LINGO2: variants seen among roughly 807,000 people sequenced by gnomAD.
LINGO2 encodes leucine rich repeat and Ig domain containing 2, also known as leucine-rich repeat and immunoglobulin-like domain-containing nogo receptor-interacting protein 2.
LINGO2 carries 14 observed loss-of-function variants against 30.6 expected under a neutral mutation model. The ratio of observed to expected loss-of-function variants is 0.46; its 90% CI spans 0.30 to 0.72. The LOEUF (loss-of-function observed/expected upper bound fraction) is 0.72. Ranked by LOEUF, LINGO2 falls within the 30% of genes least tolerant of loss-of-function variation. LINGO2 has a pLI of 0.07. For missense variants in LINGO2, 729 were observed against 751.7 expected, an observed-to-expected ratio of 0.97 and a Z score of 0.35; for synonymous variants, 317 against 288.5, an observed-to-expected ratio of 1.10 and a Z score of -1.00.
chr9:28,902,504 T>A, the LINGO2 span, among the ~76,000 whole-genome samples: 1 of 152,136 alleles, frequency 6.6e-6, no homozygotes, highest in African/African-American at 2.4e-5. Flanking sequence ...TAAGGAAACA[T>A]CAGGCTTAAT....
chr9:28,096,204 CA>C (rs1826237972), intron 4 of LINGO2, among the ~76,000 whole-genome samples: 1 of 152,066 alleles, frequency 6.6e-6, no homozygotes, highest in Non-Finnish European at 1.5e-5. Context: ...ATCTACCTCA[CA>C]GAACAGTAAT....
chr9:29,128,316 T>C, the LINGO2 span, among the ~76,000 whole-genome samples: 1 of 152,098 alleles, frequency 6.6e-6, no homozygotes, highest in Non-Finnish European at 1.5e-5. Flanking sequence ...TCCTTAGAAT[T>C]TTCTCTTTCT....
the LINGO2 span, among the ~76,000 whole-genome samples, chr9:28,894,509 C>T: frequency 6.6e-6 from 1 of 151,764 alleles, no homozygotes. Context: ...AGTAAATTTA[C>T]CACCCTGATA....
At chr9:28,400,443 C>A (rs570042110) in intron 2 of LINGO2, among the ~76,000 whole-genome samples, 2 of 152,220 alleles carry the variant, frequency 1.3e-5, no homozygotes, top group African/African-American at 4.8e-5. Flanking sequence ...TCACGGAAAC[C>A]AGCAAACACT....
chr9:28,513,927 G>C (rs1213647473), intron 1 of LINGO2, among the ~76,000 whole-genome samples: 1 of 152,198 alleles, frequency 6.6e-6, no homozygotes. Context: ...GCCTTGCATA[G>C]AGCAAGTCTA....
rs571490958 is a variant in LINGO2, at chr9:28,048,534, CATTT to C, written c.-86-36133_-86-36130del. Among the ~76,000 whole-genome samples, 270 of 150,612 alleles carry C rather than the reference CATTT, an allele frequency of 1.8e-3. 14 individuals carry two copies. Among genetic ancestry groups the C allele is most frequent in the African/African-American group, 6.3e-3 (257 of 40,830 alleles). ...TCATTGCCAGTGAAAGTAAGGAATC[CATTT>C]ATTTATTTATAGTGATCTTATAAAT... is the stretch of plus-strand genomic sequence containing the variant. On this transcript the variant is annotated intron_variant, in intron 4 of 5. Transcript: ENST00000379992.
intron 3 of LINGO2, among the ~76,000 whole-genome samples, chr9:28,320,529 T>C (rs778096348): frequency 7.2e-5 from 11 of 152,162 alleles, no homozygotes; most frequent in Non-Finnish European, 1.3e-4. Context: ...GCATTAGACT[T>C]ACTTATGAAT....
At chr9:27,961,517 A>T (rs557461208) in intron 5 of LINGO2, among the ~76,000 whole-genome samples, 7 of 152,260 alleles carry the variant, frequency 4.6e-5, no homozygotes, top group South Asian at 4.1e-4. Context: ...CTGAGGAGAG[A>T]AAAGAGACTG....
At chr9:28,931,079 A>G in the LINGO2 span, among the ~76,000 whole-genome samples, 1 of 152,182 alleles carries the variant, frequency 6.6e-6, no homozygotes, top group East Asian at 1.9e-4. Context: ...GAAATTAGAT[A>G]TTTGCTGATT....
the LINGO2 span, among the ~76,000 whole-genome samples, chr9:29,075,470 AT>A: frequency 6.6e-6 from 1 of 152,152 alleles, no homozygotes; most frequent in Non-Finnish European, 1.5e-5. Context: ...TTTGGTACTA[AT>A]AAGATCCTCT....
At chr9:28,494,290 C>T (rs1040118145) in intron 1 of LINGO2, among the ~76,000 whole-genome samples, 10 of 152,004 alleles carry the variant, frequency 6.6e-5, no homozygotes, top group African/African-American at 2.4e-4. Flanking sequence ...CATACGTATA[C>T]ATGTGCCACA....
At chr9:28,754,795 T>G in the LINGO2 span, among the ~76,000 whole-genome samples, 1 of 151,826 alleles carries the variant, frequency 6.6e-6, no homozygotes, top group African/African-American at 2.4e-5. Context: ...CACACCGGGC[T>G]AATTTTTTTG....
the LINGO2 span, among the ~76,000 whole-genome samples, chr9:28,822,049 G>A: frequency 1.3e-5 from 2 of 152,096 alleles, no homozygotes; most frequent in African/African-American, 4.8e-5. Flanking sequence ...GTCAGAGCAA[G>A]CCCAGAGATA....
At chr9:29,128,130 C>G in the LINGO2 span, among the ~76,000 whole-genome samples, 1 of 152,062 alleles carries the variant, frequency 6.6e-6, no homozygotes, top group Non-Finnish European at 1.5e-5. Flanking sequence ...CCTAGTAGGC[C>G]ATTGCCTCTC....
At chr9:28,068,173 TAGTC>T (rs1825369907) in intron 4 of LINGO2, among the ~76,000 whole-genome samples, 1 of 152,172 alleles carries the variant, frequency 6.6e-6, no homozygotes, top group African/African-American at 2.4e-5. Context: ...TACACTGTCT[TAGTC>T]AGCTCGGCCT....
At chr9:28,640,614 G>C (rs998727972) in intron 1 of LINGO2, among the ~76,000 whole-genome samples, 1 of 150,230 alleles carries the variant, frequency 6.7e-6, no homozygotes, top group Non-Finnish European at 1.5e-5. Context: ...CCAGTTGATC[G>C]AATCGGCTAC....
chr9:29,202,724 C>A, the LINGO2 span, among the ~76,000 whole-genome samples: 1 of 152,028 alleles, frequency 6.6e-6, no homozygotes. Context: ...TCAACATAAT[C>A]ATGGAACCTT....
chr9:28,073,200 G>T (rs540866237), intron 4 of LINGO2, among the ~76,000 whole-genome samples: 2 of 151,932 alleles, frequency 1.3e-5, no homozygotes, highest in Non-Finnish European at 2.9e-5. Flanking sequence ...GGAGAAGGGC[G>T]CGCCAAAGTC....
the LINGO2 span, among the ~76,000 whole-genome samples, chr9:29,179,469 A>T: frequency 8.1e-4 from 123 of 151,994 alleles, no homozygotes; most frequent in African/African-American, 2.7e-3. Context: ...CAGTGGTGCA[A>T]TCTCGGCTCA....
Sources: gnomAD v4.1 joint callset for allele counts (sites outside exome capture counted in the v4.1 genomes callset) on GRCh38, gnomAD v4.1.1 for gene constraint, MANE v1.5 for transcripts, NCBI Gene and HGNC (gene_info 2026-07-23, HGNC 2026-07-21) for gene names.